KHDRBS2: variants seen among roughly 807,000 people sequenced by gnomAD.
KHDRBS2 encodes the protein KH RNA binding domain containing, signal transduction associated 2, also known as KH domain-containing, RNA-binding, signal transduction-associated protein 2.
In KHDRBS2, 26 loss-of-function variants were observed where a neutral mutation model predicts 44.3. The ratio of observed to expected loss-of-function variants is 0.59; its 90% CI spans 0.43 to 0.81. KHDRBS2 has a LOEUF of 0.81. Ranked by LOEUF, KHDRBS2 falls within the 40% of genes least tolerant of loss-of-function variation. KHDRBS2 has a pLI of 0.00. For missense variants in KHDRBS2, 476 were observed against 433.1 expected (o/e 1.10, Z -0.88); for synonymous variants, 194 against 151.1 (o/e 1.28, Z -2.08).
chr6:62,160,197 A>G (rs1316208609), intron 2 of KHDRBS2, among the ~76,000 whole-genome samples: 1 of 152,154 alleles, frequency 6.6e-6, no homozygotes, highest in African/African-American at 2.4e-5. Context: ...ACATGAAGAG[A>G]CCATAATAAA....
intron 2 of KHDRBS2, among the ~76,000 whole-genome samples, chr6:62,099,135 C>A (rs1231234439): frequency 2.0e-5 from 3 of 152,090 alleles, no homozygotes; most frequent in Admixed American, 6.6e-5. Context: ...ACTTTAGGGT[C>A]AGTATCCGGT....
chr6:61,604,904 T>C, the KHDRBS2 span, among the ~76,000 whole-genome samples: 2 of 152,122 alleles, frequency 1.3e-5, no homozygotes, highest in African/African-American at 4.8e-5. Context: ...CCCACCTCTA[T>C]ACAGTCCAAT....
At chr6:61,916,959 C>T (rs1238060945) in intron 4 of KHDRBS2, among the ~76,000 whole-genome samples, 1 of 133,156 alleles carries the variant, frequency 7.5e-6, no homozygotes, top group Non-Finnish European at 1.6e-5. Context: ...GAAACAGGAA[C>T]TCTGTATTTT....
chr6:61,782,689 GTATATATATA>G (rs70993182), intron 6 of KHDRBS2, among the ~76,000 whole-genome samples: 5,167 of 110,384 alleles, frequency 0.047, 267 homozygotes, highest in East Asian at 0.1. Flanking sequence ...TAAAGGTTGT[GTATATATATA>G]TATATATATA....
intron 2 of KHDRBS2, among the ~76,000 whole-genome samples, chr6:62,156,738 C>G (rs530007835): frequency 6.5e-4 from 99 of 152,022 alleles, no homozygotes; most frequent in African/African-American, 2.2e-3. Context: ...GTGGCGTGAT[C>G]TCGGCTCACT....
chr6:62,041,172 T>A (rs1190133934), intron 3 of KHDRBS2, among the ~76,000 whole-genome samples: 9 of 151,506 alleles, frequency 5.9e-5, no homozygotes, highest in Non-Finnish European at 1.0e-4. Flanking sequence ...CTCTACTAAA[T>A]ATACAAAAAT....
intron 8 of KHDRBS2, 139 bp from the exon 9 acceptor site, chr6:61,681,199 G>A (rs1766254600): frequency 1.6e-5 from 10 of 619,560 alleles, no homozygotes; most frequent in South Asian, 1.9e-5. Context: ...TTTCCACATC[G>A]TGAGACCATC....
At chr6:61,584,059 C>A in the KHDRBS2 span, among the ~76,000 whole-genome samples, 3 of 151,392 alleles carry the variant, frequency 2.0e-5, no homozygotes, top group Non-Finnish European at 4.4e-5. Context: ...TTCTTTGTAT[C>A]CTGTGTCATT....
chr6:61,918,131 G>C (rs1807363434), intron 4 of KHDRBS2, among the ~76,000 whole-genome samples: 1 of 151,914 alleles, frequency 6.6e-6, no homozygotes, highest in Admixed American at 6.6e-5. Flanking sequence ...ATCACAAGCA[G>C]GGATTATGTG....
intron 6 of KHDRBS2, among the ~76,000 whole-genome samples, chr6:61,772,702 C>T (rs569151045): frequency 6.6e-6 from 1 of 152,012 alleles, no homozygotes; most frequent in African/African-American, 2.4e-5. Context: ...ACATTAGTTA[C>T]ATATGTATAC....
intron 2 of KHDRBS2, among the ~76,000 whole-genome samples, chr6:62,130,464 TAC>T (rs1380490854): frequency 2.0e-5 from 3 of 152,210 alleles, no homozygotes; most frequent in Non-Finnish European, 4.4e-5. Context: ...ATAAAAATAC[TAC>T]GTTTTTCATT....
chr6:61,797,367 C>T (rs540947069), intron 6 of KHDRBS2, among the ~76,000 whole-genome samples: 6 of 152,226 alleles, frequency 3.9e-5, no homozygotes, highest in African/African-American at 1.4e-4. Context: ...GTATTTATAT[C>T]TCCATCTTTA....
At chr6:61,743,771 T>TCCCCCCC (rs528609380) in intron 6 of KHDRBS2, among the ~76,000 whole-genome samples, 1 of 125,072 alleles carries the variant, frequency 8.0e-6, no homozygotes, top group African/African-American at 3.1e-5. Flanking sequence ...CTTAATGCTA[T>TCCCCCCC]CCCCCCCCTC....
chr6:61,868,730 TC>T (rs1274266086), intron 6 of KHDRBS2, among the ~76,000 whole-genome samples: 4 of 151,972 alleles, frequency 2.6e-5, no homozygotes. Context: ...AGCCCACCCC[TC>T]CCCCACCAAG....
At chr6:61,674,617 A>T in the KHDRBS2 span, among the ~76,000 whole-genome samples, 3 of 151,866 alleles carry the variant, frequency 2.0e-5, no homozygotes, top group East Asian at 5.9e-4. Context: ...AATGCTATAT[A>T]CCCTTATATC....
chr6:61,898,282 G>A (rs1441343312), intron 5 of KHDRBS2, among the ~76,000 whole-genome samples: 1 of 150,470 alleles, frequency 6.6e-6, no homozygotes, highest in Non-Finnish European at 1.5e-5. Flanking sequence ...TTTTTTTGTG[G>A]GCATTTGGTA....
At chr6:62,004,058 T>C (rs1460458953) in intron 3 of KHDRBS2, among the ~76,000 whole-genome samples, 2 of 151,990 alleles carry the variant, frequency 1.3e-5, no homozygotes, top group Non-Finnish European at 2.9e-5. Context: ...GCAGGAAAGA[T>C]CTAAAATTGA....
At chr6:61,581,593 TAC>T in the KHDRBS2 span, among the ~76,000 whole-genome samples, 1 of 144,892 alleles carries the variant, frequency 6.9e-6, no homozygotes, top group African/African-American at 2.5e-5. Context: ...ATATACAATA[TAC>T]AATATACAAT....
chr6:61,774,594 G>C (rs773098801), intron 6 of KHDRBS2, among the ~76,000 whole-genome samples: 3 of 151,824 alleles, frequency 2.0e-5, no homozygotes, highest in African/African-American at 7.2e-5. Flanking sequence ...TACAAGGGAC[G>C]AGAAGTTGAA....
Sources: gnomAD v4.1 joint callset for allele counts (sites outside exome capture counted in the v4.1 genomes callset) on GRCh38, gnomAD v4.1.1 for gene constraint, MANE v1.5 for transcripts, NCBI Gene and HGNC (gene_info 2026-07-23, HGNC 2026-07-21) for gene names.